DAB1: variants seen among roughly 807,000 people sequenced by gnomAD.
DAB1 encodes the protein DAB adaptor protein 1.
DAB1 carries 15 observed loss-of-function variants against 64.6 expected under a neutral mutation model. The ratio of observed to expected loss-of-function variants is 0.23; its 90% CI spans 0.16 to 0.36. The LOEUF (loss-of-function observed/expected upper bound fraction) is 0.36. Ranked by LOEUF, DAB1 falls within the 10% of genes least tolerant of loss-of-function variation. The probability of loss-of-function intolerance (pLI) is 1.00; values close to 1 mark genes in which losing one functional copy is unlikely to be tolerated. For missense variants in DAB1, 596 were observed against 706.7 expected (o/e 0.84, Z 1.78); for synonymous variants, 235 against 251.9 (o/e 0.93, Z 0.64).
At chr1:57,036,124 A>G (rs1384957595) in intron 9 of DAB1, among the ~76,000 whole-genome samples, 1 of 151,394 alleles carries the variant, frequency 6.6e-6, no homozygotes, top group East Asian at 1.9e-4. Flanking sequence ...TATTTTTTTA[A>G]TGCTAGGAAA....
chr1:58,022,423 G>A (rs1312048457), intron 5 of DAB1, among the ~76,000 whole-genome samples: 1 of 152,204 alleles, frequency 6.6e-6, no homozygotes, highest in Non-Finnish European at 1.5e-5. Flanking sequence ...TCAGAAGGTT[G>A]CATCTTGCTT....
intron 4 of DAB1, among the ~76,000 whole-genome samples, chr1:58,322,284 A>G (rs192331958): frequency 6.6e-6 from 1 of 152,352 alleles, no homozygotes; most frequent in African/African-American, 2.4e-5. Flanking sequence ...AAAAGAAACT[A>G]CTATCAGAGT....
At chr1:58,372,082 C>T (rs1456565692) in intron 3 of DAB1, among the ~76,000 whole-genome samples, 2 of 152,160 alleles carry the variant, frequency 1.3e-5, no homozygotes, top group Admixed American at 1.3e-4. Flanking sequence ...GTTCTCTGCA[C>T]CCCAAAATGG....
intron 1 of DAB1, among the ~76,000 whole-genome samples, chr1:58,528,946 G>T (rs922400812): frequency 6.6e-6 from 1 of 152,066 alleles, no homozygotes; most frequent in African/African-American, 2.4e-5. Flanking sequence ...TTTCAAGAAA[G>T]AAATAGATAA....
intron 3 of DAB1, among the ~76,000 whole-genome samples, chr1:58,451,649 A>G (rs1269992497): frequency 6.6e-6 from 1 of 152,244 alleles, no homozygotes; most frequent in Non-Finnish European, 1.5e-5. Flanking sequence ...ATATTTTAAA[A>G]GATAAAGGAC....
intron 3 of DAB1, among the ~76,000 whole-genome samples, chr1:57,138,733 T>C (rs554844568): frequency 6.6e-6 from 1 of 152,332 alleles, no homozygotes; most frequent in East Asian, 1.9e-4. Flanking sequence ...TTCTGTTTAA[T>C]GCCACCCTCT....
At chr1:57,522,825 T>C (rs960783289) in intron 7 of DAB1, among the ~76,000 whole-genome samples, 1 of 152,198 alleles carries the variant, frequency 6.6e-6, no homozygotes, top group Non-Finnish European at 1.5e-5. Context: ...GGCAGAAGAA[T>C]GTGAAAGGAC....
In DAB1 at chr1:57,191,867, T is replaced by C. The variant is rs150889901; in HGVS notation, c.68-46438A>G. Among the ~76,000 whole-genome samples, 100 of 152,224 alleles carry C rather than the reference T, an allele frequency of 6.6e-4. 1 individual carries two copies. Among genetic ancestry groups the C allele is most frequent in the Admixed American group, 1.4e-3 (22 of 15,286 alleles). On this transcript the variant is annotated intron_variant, in intron 2 of 14. Coordinates refer to ENST00000371236, the MANE Select transcript of DAB1 (RefSeq NM_001365792.1). ...ATCACAGTATGTAGATGATAATACC[T>C]ACCCCTATTCATCTCCCAGGGTTGA...
chr1:57,514,461 G>T (rs893374145), intron 7 of DAB1, among the ~76,000 whole-genome samples: 3 of 152,004 alleles, frequency 2.0e-5, no homozygotes, highest in African/African-American at 7.2e-5. Context: ...TATTGTTTTT[G>T]TTTATTGTCT....
chr1:58,373,805 A>C (rs916930075), intron 3 of DAB1, among the ~76,000 whole-genome samples: 2 of 150,744 alleles, frequency 1.3e-5, no homozygotes, highest in Admixed American at 1.3e-4. Context: ...ACAGTGTAAA[A>C]GTGTTCCTAT....
intron 7 of DAB1, among the ~76,000 whole-genome samples, chr1:57,449,523 G>A (rs1249656171): frequency 6.6e-6 from 1 of 151,894 alleles, no homozygotes; most frequent in Non-Finnish European, 1.5e-5. Flanking sequence ...TGGTACTACA[G>A]GTGCACTCTG....
chr1:58,323,028 C>T (rs7517008), intron 4 of DAB1, among the ~76,000 whole-genome samples: 1 of 145,954 alleles, frequency 6.9e-6, no homozygotes. Context: ...CTCATAGGTT[C>T]GAACAGAATA....
chr1:57,593,128 CTG>C (rs1024502005), intron 7 of DAB1, among the ~76,000 whole-genome samples: 29 of 152,204 alleles, frequency 1.9e-4, no homozygotes, highest in African/African-American at 6.8e-4. Flanking sequence ...AACTGAAACT[CTG>C]TACCCATGGA....
chr1:57,557,789 A>G (rs1448754453), intron 7 of DAB1, among the ~76,000 whole-genome samples: 1 of 152,168 alleles, frequency 6.6e-6, no homozygotes, highest in Non-Finnish European at 1.5e-5. Context: ...CTTTGACCAT[A>G]AGTGGAAAAC....
chr1:58,223,619 C>T (rs1024809715), intron 4 of DAB1, among the ~76,000 whole-genome samples: 5 of 152,144 alleles, frequency 3.3e-5, no homozygotes, highest in Non-Finnish European at 4.4e-5. Context: ...AGCTGGTTTT[C>T]AGCCCAACGA....
chr1:57,157,339 A>G (rs1383439174), intron 2 of DAB1, among the ~76,000 whole-genome samples: 1 of 152,166 alleles, frequency 6.6e-6, no homozygotes, highest in East Asian at 1.9e-4. Flanking sequence ...TCTGTGCATT[A>G]GATACTTAAA....
At chr1:57,229,008 T>C (rs1667474599) in intron 2 of DAB1, among the ~76,000 whole-genome samples, 1 of 152,162 alleles carries the variant, frequency 6.6e-6, no homozygotes, top group African/African-American at 2.4e-5. Context: ...TGAATCCATT[T>C]TTATAAAGTT....
At chr1:57,711,904 C>T (rs1647033480) in intron 6 of DAB1, among the ~76,000 whole-genome samples, 1 of 152,092 alleles carries the variant, frequency 6.6e-6, no homozygotes, top group Non-Finnish European at 1.5e-5. Context: ...TCTAGACTAA[C>T]ATGTTATTGG....
chr1:57,444,326 T>C (rs1686058561), intron 7 of DAB1, among the ~76,000 whole-genome samples: 1 of 152,230 alleles, frequency 6.6e-6, no homozygotes, highest in Non-Finnish European at 1.5e-5. Context: ...TATAGCTATA[T>C]GTTTATTACT....
Sources: allele counts gnomAD v4.1 joint callset (sites outside exome capture counted in the v4.1 genomes callset), GRCh38; gene constraint gnomAD v4.1.1; transcripts MANE v1.5; gene names NCBI Gene and HGNC (gene_info 2026-07-23, HGNC 2026-07-21).